Variants in P2RY12 observed in about 807,000 individuals in gnomAD.
The protein encoded by P2RY12 is P2Y purinoceptor 12.
In P2RY12, 3 loss-of-function variants were observed where a neutral mutation model predicts 4.5. That is an observed-to-expected ratio of 0.67 (90% CI 0.31 to 1.74). The LOEUF (loss-of-function observed/expected upper bound fraction) is 1.74, where lower values mean the gene tolerates loss of function less well. Ranked by LOEUF, P2RY12 falls within the 40% of genes most tolerant of loss-of-function variation. The probability of loss-of-function intolerance (pLI) is 0.09; values close to 1 mark genes in which losing one functional copy is unlikely to be tolerated. For missense variants in P2RY12, 356 were observed against 407.8 expected, an observed-to-expected ratio of 0.87 and a Z score of 1.09; for synonymous variants, 148 against 154.1, an observed-to-expected ratio of 0.96 and a Z score of 0.29.
chr3:151,369,417 A>G (rs1254885527), intron 1 of P2RY12: 1 of 1,520,298 alleles, frequency 6.6e-7, no homozygotes, highest in Admixed American at 1.8e-5. Context: ...AGACTATTAA[A>G]GATTTGTTGT....
intron 1 of P2RY12, chr3:151,382,823 A>G (rs1371929871): frequency 2.6e-6 from 3 of 1,161,392 alleles, no homozygotes; most frequent in South Asian, 1.4e-5. Context: ...CACTTCTCCT[A>G]AGTGCAAAGT....
intron 1 of P2RY12, chr3:151,350,180 A>T (rs1188475734): frequency 6.2e-7 from 1 of 1,613,936 alleles, no homozygotes; most frequent in South Asian, 1.1e-5. Context: ...AAAATTCTAA[A>T]TAAGAAGAGC....
chr3:151,376,180 A>G (rs549039918), intron 1 of P2RY12: 9 of 1,600,898 alleles, frequency 5.6e-6, no homozygotes, highest in South Asian at 2.2e-5. Context: ...GAGGGGGACA[A>G]TCTGCAAAGA....
At chr3:151,365,594 C>T (rs62285877) in intron 1 of P2RY12, among the ~76,000 whole-genome samples, 13,676 of 152,134 alleles carry the variant, frequency 0.09, 943 homozygotes, top group East Asian at 0.33. Context: ...GATTTATTCA[C>T]GAAACTAAAA....
intron 1 of P2RY12, among the ~76,000 whole-genome samples, chr3:151,344,067 G>A (rs1752239426): frequency 6.6e-6 from 1 of 152,008 alleles, no homozygotes; most frequent in Non-Finnish European, 1.5e-5. Context: ...CAAAAGTAAC[G>A]AGTCTTGGGC....
chr3:151,371,060 T>G (rs1756123751), intron 1 of P2RY12, among the ~76,000 whole-genome samples: 1 of 152,250 alleles, frequency 6.6e-6, no homozygotes. Flanking sequence ...GCACAGACTC[T>G]CATACCTTCT....
intron 1 of P2RY12, among the ~76,000 whole-genome samples, chr3:151,374,055 TTC>T (rs1223869327): frequency 6.6e-6 from 1 of 152,136 alleles, no homozygotes; most frequent in Non-Finnish European, 1.5e-5. Flanking sequence ...CACAAAGTTG[TTC>T]TGTGTTTTCC....
intron 1 of P2RY12, chr3:151,369,444 T>C (rs1377107285): frequency 1.2e-6 from 2 of 1,601,876 alleles, no homozygotes; most frequent in Admixed American, 3.5e-5. Context: ...AGGCAAACCT[T>C]TCCCTGGAAT....
At position 151,337,479 on chromosome 3, in the gene P2RY12, C is replaced by A; in HGVS notation, c.*338G>T. 4.4e-6 allele frequency: 1 copy of A among 225,174 alleles called. No homozygotes were observed. 13.9% of individuals were successfully genotyped at this position (225,174 alleles called of 1,614,324 possible). A position where few individuals can be genotyped will look rare whatever the true frequency, so the allele number is the denominator to read the frequency against. ...GATTATGAAAAAATAAAATTGTGAA[C>A]GATAATGTATTTTAAAAATTACAGT... On this transcript the variant is annotated 3_prime_UTR_variant, in exon 3 of 3. Transcript: ENST00000302632.
rs1754034076 is a variant in P2RY12 at position 151,357,146 on chromosome 3, A to G, written c.-179-16386T>C. 12 of 1,362,828 alleles carry G rather than the reference A, an allele frequency of 8.8e-6. No individual in the cohort carries two copies. In the South Asian group the frequency reaches 1.6e-4, roughly 18 times the overall value. The allele number at this position is 1,362,828 out of a possible 1,614,324, so 84.4% of individuals were successfully genotyped here. A position where few individuals can be genotyped will look rare whatever the true frequency, so the allele number is the denominator to read the frequency against. On this transcript the variant is annotated intron_variant, in intron 1 of 2. Coordinates refer to ENST00000302632, the MANE Select transcript of P2RY12 (RefSeq NM_022788.5). Reference sequence around the variant, plus strand: ...ATGACTCAGTATATCTATGGTTTATAAAAATAAATGTTTTCTCTATTTGTT... The same window carrying G: ...ATGACTCAGTATATCTATGGTTTATGAAAATAAATGTTTTCTCTATTTGTT...
At chr3:151,349,460 T>C (rs866286942) in intron 1 of P2RY12, among the ~76,000 whole-genome samples, 1 of 152,144 alleles carries the variant, frequency 6.6e-6, no homozygotes, top group Admixed American at 6.5e-5. Flanking sequence ...GGAATATATA[T>C]AGTTTTGTAG....
chr3:151,376,159 A>G lies in P2RY12; in HGVS notation c.-180+8533T>C, dbSNP rs746745695. 13 of 1,609,164 alleles carry G rather than the reference A, an allele frequency of 8.1e-6. No homozygotes were observed. The Admixed American group carries it at 2.2e-4, about 27-fold the overall frequency. On this transcript the variant is annotated intron_variant, in intron 1 of 2. Transcript: ENST00000302632. The stretch of plus-strand genomic sequence containing the variant: ...CTTATCTGTTATCCTCATGGCATTA[A>G]AGAATGTACCGAGGGGGACAATCTG...
chr3:151,347,043 A>G (rs903906302), intron 1 of P2RY12, among the ~76,000 whole-genome samples: 1 of 152,186 alleles, frequency 6.6e-6, no homozygotes, highest in African/African-American at 2.4e-5. Context: ...TGAGATGCAC[A>G]TTTACTCCTT....
intron 1 of P2RY12, among the ~76,000 whole-genome samples, chr3:151,371,180 G>A (rs933433685): frequency 6.6e-6 from 1 of 151,964 alleles, no homozygotes; most frequent in Admixed American, 6.6e-5. Flanking sequence ...ATTTGCAGAA[G>A]CTCTAATTTA....
At chr3:151,382,828 C>A in intron 1 of P2RY12, 2 of 1,070,878 alleles carry the variant, frequency 1.9e-6, no homozygotes, top group Non-Finnish European at 2.8e-6. Context: ...CTCCTAAGTG[C>A]AAAGTCTGCA....
At chr3:151,347,974 G>T (rs916593409) in intron 1 of P2RY12, among the ~76,000 whole-genome samples, 2 of 152,168 alleles carry the variant, frequency 1.3e-5, no homozygotes, top group African/African-American at 4.8e-5. Flanking sequence ...CCTGTGCGAT[G>T]TGAGGAGCAC....
chr3:151,372,838 A>G, intron 1 of P2RY12: 1 of 1,255,164 alleles, frequency 8.0e-7, no homozygotes, highest in Non-Finnish European at 1.1e-6. Context: ...TTACACTTAT[A>G]GGAAACTTGT....
At chr3:151,376,110 A>G (rs377058243) in intron 1 of P2RY12, 3 of 1,611,670 alleles carry the variant, frequency 1.9e-6, no homozygotes, top group Non-Finnish European at 2.5e-6. Flanking sequence ...GCTTTCAAAT[A>G]TGCAAGCACA....
intron 1 of P2RY12, chr3:151,357,061 A>C: frequency 1.6e-6 from 1 of 644,020 alleles, no homozygotes. Flanking sequence ...CAACTCTATA[A>C]ATTGGAAAAG....
Sources: gnomAD v4.1 joint callset for allele counts (sites outside exome capture counted in the v4.1 genomes callset) on GRCh38, gnomAD v4.1.1 for gene constraint, MANE v1.5 for transcripts, NCBI Gene and HGNC (gene_info 2026-07-23, HGNC 2026-07-21) for gene names.